The following ZNF469 variants were observed in gnomAD, a reference collection of about 807,000 sequenced individuals.
ZNF469 encodes the protein zinc finger protein 469.
A neutral mutation model predicts 1.0 loss-of-function variants in ZNF469; 1 was observed. The ratio of observed to expected loss-of-function variants is 1.00; its 90% confidence interval spans 0.35 to 4.73. The LOEUF is 4.73. Among genes scored for constraint, ZNF469 ranks in the 30% most tolerant of loss-of-function variants. The pLI, the probability that ZNF469 is intolerant of heterozygous loss-of-function variation, is 0.16. For synonymous variants in ZNF469, 2,703 were observed against 2,363.4 expected (o/e 1.14, Z -4.17); for missense variants, 6,100 against 5,356.3 (o/e 1.14, Z -4.33).
At chr16:88,319,045 G>A in the ZNF469 span, among the ~76,000 whole-genome samples, 1 of 152,200 alleles carries the variant, frequency 6.6e-6, no homozygotes, top group Non-Finnish European at 1.5e-5. Flanking sequence ...ATTGCCAGCT[G>A]GGGTCAAGAG....
the ZNF469 span, among the ~76,000 whole-genome samples, chr16:88,231,382 A>G: frequency 6.6e-6 from 1 of 152,204 alleles, no homozygotes. The surrounding 1 kb of genome is among the most constrained non-coding windows in gnomAD (Gnocchi z 4.5). Flanking sequence ...CTGGGGTGGG[A>G]CTGGGGTGGT....
chr16:88,437,414 C>A lies in ZNF469; in HGVS notation c.9944C>A (p.Pro3315His). 1.3e-6 allele frequency: 2 copies of A among 1,524,298 alleles called. No homozygotes were observed. The highest frequency in any genetic ancestry group is 1.8e-6 in the Non-Finnish European group (2 of 1,133,074). The allele number at this position is 1,524,298 out of a possible 1,614,324, so 94.4% of individuals were successfully genotyped here. Residue 3315 changes from proline to histidine, a missense_variant, in exon 3 of 3, where the codon CCC becomes CAC. Transcript: ENST00000565624. ...PRTTPSPSPD[P>H]WAGGEPLLQA... ...ACGACCCCCAGCCCGTCCCCCGACC[C>A]CTGGGCCGGCGGGGAGCCCCTCCTG...
the ZNF469 span, among the ~76,000 whole-genome samples, chr16:88,341,762 A>G: frequency 6.6e-6 from 1 of 151,882 alleles, no homozygotes; most frequent in Admixed American, 6.5e-5. Context: ...TGAGCCAGGA[A>G]GGGTGTGCAG....
the ZNF469 span, among the ~76,000 whole-genome samples, chr16:88,340,763 A>C: frequency 7.9e-6 from 1 of 127,048 alleles, no homozygotes; most frequent in Non-Finnish European, 1.6e-5. Context: ...AGGGTGGGTC[A>C]GAGGGGAGGG....
chr16:88,385,761 G>A (rs1374596302), intron 1 of ZNF469, among the ~76,000 whole-genome samples: 1 of 152,142 alleles, frequency 6.6e-6, no homozygotes, highest in Non-Finnish European at 1.5e-5. Context: ...CAGCTGCTAG[G>A]GGCTGTGTGG....
chr16:88,326,961 G>A, the ZNF469 span, among the ~76,000 whole-genome samples: 36 of 152,182 alleles, frequency 2.4e-4, no homozygotes, highest in Middle Eastern at 0.01. Flanking sequence ...CTCCCTCCCC[G>A]TCGCTCTCCC....
the ZNF469 span, among the ~76,000 whole-genome samples, chr16:88,170,230 C>T: frequency 5.3e-5 from 8 of 152,130 alleles, no homozygotes; most frequent in Non-Finnish European, 7.3e-5. This position sits in a 1 kb window ranked among gnomAD's most constrained non-coding sequence, Gnocchi z 4.2. Flanking sequence ...TATACACTGC[C>T]GAATGATTAC....
the ZNF469 span, among the ~76,000 whole-genome samples, chr16:88,267,046 G>A: frequency 5.3e-5 from 8 of 152,194 alleles, no homozygotes; most frequent in African/African-American, 1.4e-4. Context: ...CCGGGTGCCC[G>A]GCAAGAGGAC....
the ZNF469 span, among the ~76,000 whole-genome samples, chr16:88,303,247 A>G: frequency 6.6e-6 from 1 of 152,242 alleles, no homozygotes; most frequent in Non-Finnish European, 1.5e-5. Context: ...CATGGTGATC[A>G]TTTATTAATT....
chr16:88,142,531 A>G, the ZNF469 span, among the ~76,000 whole-genome samples: 7 of 152,228 alleles, frequency 4.6e-5, no homozygotes, highest in African/African-American at 1.2e-4. Flanking sequence ...CTCAGGACTG[A>G]GAAGGTCCTT....
In ZNF469 at chr16:88,430,737, C is replaced by G. The variant is rs1210877869; in HGVS notation, c.3267C>G (p.Leu1089=). The G allele has an allele frequency of 5.3e-6, 8 of 1,501,330 alleles. No homozygotes were observed. The highest frequency in any genetic ancestry group is 3.8e-5 in the South Asian group (3 of 79,086). 93.0% of individuals were successfully genotyped at this position (1,501,330 alleles called of 1,614,324 possible). The change falls in exon 3 of 3, where the codon CTC becomes CTG. Residue 1089 remains leucine, a synonymous_variant. Transcript: ENST00000565624. ...RPRPGAEDRR[L]REYDFASESE... The stretch of plus-strand genomic sequence containing the variant: ...GGCCCGGAGCTGAGGACCGCAGGCT[C>G]CGCGAGTACGACTTCGCCTCGGAGT...
chr16:88,349,171 A>G, the ZNF469 span, among the ~76,000 whole-genome samples: 1 of 152,182 alleles, frequency 6.6e-6, no homozygotes, highest in Non-Finnish European at 1.5e-5. Flanking sequence ...CCTCGGTTCC[A>G]GACACCCAGG....
the ZNF469 span, among the ~76,000 whole-genome samples, chr16:88,302,676 C>T: frequency 6.6e-6 from 1 of 152,202 alleles, no homozygotes; most frequent in East Asian, 1.9e-4. Flanking sequence ...GAGGAAGGAC[C>T]AGCATCTGCT....
chr16:88,362,820 C>G, the ZNF469 span, among the ~76,000 whole-genome samples: 1 of 152,172 alleles, frequency 6.6e-6, no homozygotes, highest in African/African-American at 2.4e-5. Context: ...TGTCACCCTC[C>G]TTTGTTTCTG....
chr16:88,157,694 C>T, the ZNF469 span, among the ~76,000 whole-genome samples: 2 of 152,298 alleles, frequency 1.3e-5, no homozygotes, highest in South Asian at 2.1e-4. Flanking sequence ...GAAGAAATGC[C>T]CAGCTCCCCG....
chr16:88,262,096 G>T, the ZNF469 span, among the ~76,000 whole-genome samples: 3 of 152,190 alleles, frequency 2.0e-5, no homozygotes, highest in Non-Finnish European at 2.9e-5. This position sits in a 1 kb window ranked among gnomAD's most constrained non-coding sequence, Gnocchi z 4.3. Flanking sequence ...AGGCTGCACC[G>T]ACGTTTCCAC....
the ZNF469 span, among the ~76,000 whole-genome samples, chr16:88,299,800 G>A: frequency 6.6e-6 from 1 of 152,232 alleles, no homozygotes; most frequent in Admixed American, 6.5e-5. Context: ...CTCAGGCCCA[G>A]GAGTTGCCTG....
chr16:88,357,432 G>A, the ZNF469 span, among the ~76,000 whole-genome samples: 4 of 152,180 alleles, frequency 2.6e-5, no homozygotes, highest in Non-Finnish European at 5.9e-5. Context: ...AATGGACATG[G>A]GAAGTGTAGG....
At chr16:88,326,804 G>A in the ZNF469 span, among the ~76,000 whole-genome samples, 117 of 152,288 alleles carry the variant, frequency 7.7e-4, no homozygotes, top group African/African-American at 2.4e-3. Context: ...CACTCGGGCC[G>A]GTCCTGACCC....
Sources: gnomAD v4.1 joint callset for allele counts (sites outside exome capture counted in the v4.1 genomes callset) on GRCh38, gnomAD v4.1.1 for gene constraint, Gnocchi (gnomAD v3.1) non-coding constraint, MANE v1.5 for transcripts, NCBI Gene and HGNC (gene_info 2026-07-23, HGNC 2026-07-21) for gene names.